PPT2: variants seen among roughly 807,000 people sequenced by gnomAD.
The protein encoded by PPT2 is lysosomal thioesterase PPT2.
In PPT2, 20 loss-of-function variants were observed where a neutral mutation model predicts 37.3. The ratio of observed to expected loss-of-function variants is 0.54; its 90% CI spans 0.38 to 0.78. The LOEUF (loss-of-function observed/expected upper bound fraction) is 0.78. PPT2 is among the 30% of genes least tolerant of loss of function. PPT2 has a pLI of 0.00. For synonymous variants in PPT2, 135 were observed against 159.1 expected, an observed-to-expected ratio of 0.85 and a Z score of 1.14; for missense variants, 270 against 389.8, an observed-to-expected ratio of 0.69 and a Z score of 2.59.
rs2127386672 is a variant in PPT2 at position 32,154,861 on chromosome 6, C to T, written c.183+84C>T. On this transcript the variant is annotated intron_variant, in intron 2 of 8. Coordinates refer to ENST00000324816, the MANE Select transcript of PPT2 (RefSeq NM_005155.7). This position sits in a 1 kb window ranked among gnomAD's most constrained non-coding sequence, Gnocchi z 7.3. ...GAGAGCGGGGAACTGAAAGCCACCC[C>T]TCTGGGCCTGCCCAGTTCCTCAGGG... The T allele has an allele frequency of 6.5e-7, 1 of 1,541,566 alleles. No homozygotes were observed. Among genetic ancestry groups the T allele is most frequent in the Middle Eastern group, 1.9e-4 (1 of 5,328 alleles).
intron 7 of PPT2, chr6:32,158,293 A>T (rs1321642476): frequency 4.9e-6 from 1 of 205,618 alleles, no homozygotes; most frequent in Non-Finnish European, 9.8e-6. Flanking sequence ...CAAAACCAGG[A>T]AATTCACATT....
chr6:32,153,790 G>A, upstream of PPT2: 3 of 1,096,808 alleles, frequency 2.7e-6, no homozygotes, highest in Non-Finnish European at 1.3e-6. This position sits in a 1 kb window ranked among gnomAD's most constrained non-coding sequence, Gnocchi z 4.4. Flanking sequence ...CCCCCTGGCC[G>A]CCCCTTGGGG....
In PPT2 at chr6:32,162,517, G is replaced by A. The variant is rs942625446; in HGVS notation, c.711-51G>A. 5 of 1,544,444 alleles carry A rather than the reference G, an allele frequency of 3.2e-6. No individual in the cohort carries two copies. The African/African-American group carries it at 6.8e-5, about 21-fold the overall frequency. ...TTACAGGCGTGTGCCACTGCGCCCGGCCAGATTTTCTCCAGCTCTTCTGAT... is the reference window on the plus strand; with the variant it reads ...TTACAGGCGTGTGCCACTGCGCCCGACCAGATTTTCTCCAGCTCTTCTGAT... On this transcript the variant is annotated intron_variant, in intron 7 of 8. Coordinates refer to ENST00000324816, the MANE Select transcript of PPT2 (RefSeq NM_005155.7). The surrounding 1 kb of genome is among the most constrained non-coding windows in gnomAD (Gnocchi z 5.5).
chr6:32,153,869 G>A, upstream of PPT2: 2 of 1,124,998 alleles, frequency 1.8e-6, no homozygotes, highest in Middle Eastern at 3.0e-4. This position sits in a 1 kb window ranked among gnomAD's most constrained non-coding sequence, Gnocchi z 4.4. Flanking sequence ...TCAAGGCGGG[G>A]AAATCGGACT....
chr6:32,158,153 TC>T, intron 7 of PPT2: 1 of 451,316 alleles, frequency 2.2e-6, no homozygotes, highest in Non-Finnish European at 3.9e-6. Context: ...TATCACCCCC[TC>T]CCCCACTTTA....
chr6:32,160,803 C>T (rs1391383160), intron 7 of PPT2, among the ~76,000 whole-genome samples: 1 of 152,050 alleles, frequency 6.6e-6, no homozygotes, highest in Non-Finnish European at 1.5e-5. Flanking sequence ...GCCTGGGCAA[C>T]ATGGCAAAAC....
Position 32,155,317 on chromosome 6 carries a change from C to T in PPT2, c.337+134C>T. On this transcript the variant is annotated intron_variant, in intron 3 of 8. Transcript: ENST00000324816. The surrounding 1 kb of genome is among the most constrained non-coding windows in gnomAD (Gnocchi z 4.3). ...ACCCTGGTACCTGAGCCCTTCCTTT[C>T]TGACTTCCCTCAGCACCTGGGTCTC... The T allele has an allele frequency of 1.9e-6, 2 of 1,062,278 alleles. No homozygotes were observed. Among genetic ancestry groups the T allele is most frequent in the Non-Finnish European group, 2.7e-6 (2 of 735,922 alleles). The allele number at this position is 1,062,278 out of a possible 1,614,324, so 65.8% of individuals were successfully genotyped here. A position where few individuals can be genotyped will look rare whatever the true frequency, so the allele number is the denominator to read the frequency against.
At chr6:32,153,822 T>A (rs1296975442), upstream of PPT2, 3 of 1,040,474 alleles carry the variant, frequency 2.9e-6, no homozygotes, top group Non-Finnish European at 4.1e-6. The surrounding 1 kb of genome is among the most constrained non-coding windows in gnomAD (Gnocchi z 4.4). Context: ...CGTGTTCTGC[T>A]GCGGAGCCAG....
rs1477190070 is a variant in PPT2 at position 32,154,562 on chromosome 6, C to T, written c.-8-25C>T. The T allele has an allele frequency of 1.3e-6, 2 of 1,591,562 alleles. No individual in the cohort carries two copies. Among genetic ancestry groups the T allele is most frequent in the African/African-American group, 1.3e-5 (1 of 74,548 alleles). On this transcript the variant is annotated intron_variant, in intron 1 of 8. Coordinates refer to ENST00000324816, the MANE Select transcript of PPT2 (RefSeq NM_005155.7). The surrounding 1 kb of genome is among the most constrained non-coding windows in gnomAD (Gnocchi z 7.3). Reference sequence around the variant, plus strand: ...GAGGAGGGTGTTGCCATCTCCCTCACATGCCCTTATCACCCCTTTCTCAGG... The same window carrying T: ...GAGGAGGGTGTTGCCATCTCCCTCATATGCCCTTATCACCCCTTTCTCAGG...
rs1223065156 is a variant in PPT2 at position 32,162,511 on chromosome 6, C to T, written c.711-57C>T. ...CTGCAATTACAGGCGTGTGCCACTG[C>T]GCCCGGCCAGATTTTCTCCAGCTCT... On this transcript the variant is annotated intron_variant, in intron 7 of 8. Transcript: ENST00000324816. The surrounding 1 kb of genome is among the most constrained non-coding windows in gnomAD (Gnocchi z 5.5). 1.1e-5 allele frequency: 16 copies of T among 1,521,356 alleles called. No homozygotes were observed. In the South Asian group the frequency reaches 1.2e-4, roughly 12 times the overall value. 94.2% of individuals were successfully genotyped at this position (1,521,356 alleles called of 1,614,324 possible).
In PPT2 at chr6:32,163,280, G is replaced by A. The variant is rs1276407234; in HGVS notation, c.*330G>A. 9.3e-6 allele frequency: 3 copies of A among 321,320 alleles called. No individual in the cohort carries two copies. The highest frequency in any genetic ancestry group is 5.8e-5 in the South Asian group (1 of 17,174). 19.9% of individuals were successfully genotyped at this position (321,320 alleles called of 1,614,324 possible). ...CTGCTTTTGCTGCTGCTGCTCCTCCGTATCTGGCTGTATGGGTGGAGAACC... is the reference window on the plus strand; with the variant it reads ...CTGCTTTTGCTGCTGCTGCTCCTCCATATCTGGCTGTATGGGTGGAGAACC... On this transcript the variant is annotated 3_prime_UTR_variant, in exon 9 of 9. Transcript: ENST00000324816.
In PPT2 at chr6:32,162,678, C is replaced by T; in HGVS notation, c.765+56C>T. On this transcript the variant is annotated intron_variant, in intron 8 of 8. Transcript: ENST00000324816. The surrounding 1 kb of genome is among the most constrained non-coding windows in gnomAD (Gnocchi z 5.5). ...GCCGCTGTCCCACCTTATTCCAGAG[C>T]CCTCTCTGTGACTCCTGAGCTGAAG... 6.3e-7 allele frequency: 1 copy of T among 1,576,042 alleles called. No individual in the cohort carries two copies. Among genetic ancestry groups the T allele is most frequent in the South Asian group, 1.1e-5 (1 of 90,268 alleles).
At chr6:32,161,666 C>T (rs945935541) in intron 7 of PPT2, among the ~76,000 whole-genome samples, 1 of 150,368 alleles carries the variant, frequency 6.7e-6, no homozygotes, top group African/African-American at 2.5e-5. Flanking sequence ...CGGCTCACTG[C>T]AACCTTTGCG....
chr6:32,162,865 G>C lies in PPT2; in HGVS notation c.824G>C (p.Arg275Thr), dbSNP rs780229679. The stretch of plus-strand genomic sequence containing the variant: ...CTATTGGCCCGGGGGGCCATAGTGA[G>C]GTGTCCAATGGCCGGTATCTCCCAC... ...KTLLARGAIV[R>T]CPMAGISHTA... Residue 275 changes from arginine to threonine, a missense_variant, in exon 9 of 9, where the codon AGG becomes ACG. Coordinates refer to ENST00000324816, the MANE Select transcript of PPT2 (RefSeq NM_005155.7). This position sits in a 1 kb window ranked among gnomAD's most constrained non-coding sequence, Gnocchi z 5.5. 1 of 1,613,286 alleles carries C rather than the reference G, an allele frequency of 6.2e-7. No individual in the cohort carries two copies. The highest frequency in any genetic ancestry group is 1.3e-5 in the African/African-American group (1 of 74,900).
chr6:32,158,530 AT>A (rs1165913707), intron 7 of PPT2, among the ~76,000 whole-genome samples: 3 of 152,178 alleles, frequency 2.0e-5, no homozygotes, highest in Admixed American at 2.0e-4. Flanking sequence ...TTTATTCAAC[AT>A]TATGGGCGCA....
At position 32,155,099 on chromosome 6, in the gene PPT2, G is replaced by A; in HGVS notation, c.253G>A (p.Glu85Lys). Residue 85 changes from glutamate (E) to lysine (K), a missense_variant, in exon 3 of 9, where the codon GAA becomes AAA. Glu to Lys is a moderately conservative substitution (Grantham distance 56, BLOSUM62 1). Transcript: ENST00000324816. The surrounding 1 kb of genome is among the most constrained non-coding windows in gnomAD (Gnocchi z 4.3). ...DGRESLRPLWEQVQGFREAVV... is the reference protein window; with the variant it reads ...DGRESLRPLWKQVQGFREAVV... The stretch of plus-strand genomic sequence containing the variant: ...GAGAGAGAGCTTGCGACCCCTGTGG[G>A]AACAGGTGCAAGGGTTCCGAGAGGC... The A allele has an allele frequency of 6.2e-7, 1 of 1,613,124 alleles. No individual in the cohort carries two copies. The highest frequency in any genetic ancestry group is 1.7e-5 in the Admixed American group (1 of 60,024).
At position 32,163,101 on chromosome 6, in the gene PPT2, T is replaced by C; in HGVS notation, c.*151T>C. ...GTAGAGACGGGGTTTTAGTAGAGAC[T>C]TGGCCTCCCAGAACCCCCTTCCTCT... is the stretch of plus-strand genomic sequence containing the variant. On this transcript the variant is annotated 3_prime_UTR_variant, in exon 9 of 9. Coordinates refer to ENST00000324816, the MANE Select transcript of PPT2 (RefSeq NM_005155.7). 1 of 920,890 alleles carries C rather than the reference T, an allele frequency of 1.1e-6. No individual in the cohort carries two copies. The highest frequency in any genetic ancestry group is 1.7e-5 in the African/African-American group (1 of 60,018). The allele number at this position is 920,890 out of a possible 1,614,324, so 57.0% of individuals were successfully genotyped here.
intron 7 of PPT2, among the ~76,000 whole-genome samples, chr6:32,160,771 T>G (rs1389920321): frequency 1.3e-5 from 2 of 152,044 alleles, no homozygotes; most frequent in Non-Finnish European, 2.9e-5. Flanking sequence ...GGCCGAGGCA[T>G]GAGCCCAGGG....
chr6:32,155,758 C>A lies in PPT2; in HGVS notation c.408C>A (p.Ser136=). ...ACGTGGATTCTTTCATCTCCCTCTC[C>A]TCTCCACAGATGGGACAGTATGGAG... The part of the protein sequence containing the change: ...DHNVDSFISL[S]SPQMGQYGDT... Residue 136 remains serine (S), a synonymous_variant, in exon 4 of 9, where the codon TCC becomes TCA. Transcript: ENST00000324816. This position sits in a 1 kb window ranked among gnomAD's most constrained non-coding sequence, Gnocchi z 4.3. 6.2e-7 allele frequency: 1 copy of A among 1,614,122 alleles called. No homozygotes were observed. The highest frequency in any genetic ancestry group is 8.5e-7 in the Non-Finnish European group (1 of 1,179,966).
Sources: gnomAD v4.1 joint callset for allele counts (sites outside exome capture counted in the v4.1 genomes callset) on GRCh38, gnomAD v4.1.1 for gene constraint, Gnocchi (gnomAD v3.1) non-coding constraint, MANE v1.5 for transcripts, NCBI Gene and HGNC (gene_info 2026-07-23, HGNC 2026-07-21) for gene names.